The following SH2B1 variants were observed in gnomAD, a reference collection of about 807,000 sequenced individuals.
SH2B1 encodes SH2B adaptor protein 1.
In SH2B1, 15 loss-of-function variants were observed where a neutral mutation model predicts 62.6. The observed-to-expected ratio is 0.24, with a 90% CI of 0.16 to 0.37. The LOEUF (loss-of-function observed/expected upper bound fraction) is 0.37, where lower values mean the gene tolerates loss of function less well. Ranked by LOEUF, SH2B1 falls within the 10% of genes least tolerant of loss-of-function variation. SH2B1 has a pLI of 1.00. For synonymous variants in SH2B1, 443 were observed against 438.0 expected, an observed-to-expected ratio of 1.01 and a Z score of -0.14; for missense variants, 925 against 1,015.6, an observed-to-expected ratio of 0.91 and a Z score of 1.21.
At position 28,852,828 on chromosome 16, in the gene SH2B1, T is replaced by A. The variant is rs111218483; in HGVS notation, c.-301+6001T>A. Among the ~76,000 whole-genome samples, 26 of 58,630 alleles carry A rather than the reference T, an allele frequency of 4.4e-4. 2 individuals carry two copies. Among genetic ancestry groups the A allele is most frequent in the African/African-American group, 1.6e-3 (21 of 13,252 alleles). 38.5% of individuals were successfully genotyped at this position (58,630 alleles called of 152,430 possible). A position where few individuals can be genotyped will look rare whatever the true frequency, so the allele number is the denominator to read the frequency against. On this transcript the variant is annotated intron_variant, in intron 1 of 10. Transcript: ENST00000322610. Reference sequence around the variant, plus strand: ...TATTTACATATATTTACATATATATTTATATATATATACATATATATATTT... The same window carrying A: ...TATTTACATATATTTACATATATATATATATATATATACATATATATATTT...
chr16:28,854,878 T>C (rs1962284542), intron 1 of SH2B1, among the ~76,000 whole-genome samples: 1 of 152,190 alleles, frequency 6.6e-6, no homozygotes, highest in South Asian at 2.1e-4. Context: ...TAGCCCTTCA[T>C]TTTTGTTTTT....
In SH2B1 at chr16:28,866,580, C is replaced by G. The variant is rs1263402622; in HGVS notation, c.486C>G (p.Val162=). 3.1e-6 allele frequency: 5 copies of G among 1,613,976 alleles called. No homozygotes were observed. The highest frequency in any genetic ancestry group is 4.2e-6 in the Non-Finnish European group (5 of 1,180,030). ...RFSLRSVGRS[V]RGSVRGILQW... ...CCCTGCGTTCAGTGGGTCGCTCTGT[C>G]CGAGGCTCAGTCCGTGGCATCCTGC... is the stretch of plus-strand genomic sequence containing the variant. Residue 162 remains valine, a synonymous_variant, in exon 1 of 8, where the codon GTC becomes GTG. Coordinates refer to ENST00000684370, the MANE Select transcript of SH2B1 (RefSeq NM_001387430.1). The surrounding 1 kb of genome is among the most constrained non-coding windows in gnomAD (Gnocchi z 6.3).
intron 1 of SH2B1, among the ~76,000 whole-genome samples, chr16:28,848,779 C>G (rs1471152111): frequency 1.3e-5 from 2 of 148,766 alleles, no homozygotes; most frequent in Non-Finnish European, 3.0e-5. Flanking sequence ...TCAAGCGATT[C>G]TCCTGCCTCA....
In SH2B1 at chr16:28,873,988, C is replaced by T. The variant is rs1458374930; in HGVS notation, c.*168C>T. 1.4e-5 allele frequency: 8 copies of T among 573,610 alleles called. No individual in the cohort carries two copies. Among genetic ancestry groups the T allele is most frequent in the Non-Finnish European group, 7.9e-6 (3 of 378,730 alleles). The allele number at this position is 573,610 out of a possible 1,614,324, so 35.5% of individuals were successfully genotyped here. Reference sequence around the variant, plus strand: ...AGGCTCGGGAGAGGCTCCCGTCACACACTACAGGTCCCCTCCCCAGGGCAG... The same window carrying T: ...AGGCTCGGGAGAGGCTCCCGTCACATACTACAGGTCCCCTCCCCAGGGCAG... On this transcript the variant is annotated 3_prime_UTR_variant, in exon 8 of 8. Transcript: ENST00000684370. This position sits in a 1 kb window ranked among gnomAD's most constrained non-coding sequence, Gnocchi z 4.2.
rs1962535557 is a variant in SH2B1, at chr16:28,863,850, G to A, written c.-2245G>A. 1 of 1,528,082 alleles carries A rather than the reference G, an allele frequency of 6.5e-7. No individual in the cohort carries two copies. The highest frequency in any genetic ancestry group is 2.5e-5 in the East Asian group (1 of 40,680). The allele number at this position is 1,528,082 out of a possible 1,614,324, so 94.7% of individuals were successfully genotyped here. ...GGTCCTGACGCCTGCGCGGAACCGGGCTGGGCGCTCGTCGCGTAGTGGGTG... is the reference window on the plus strand; with the variant it reads ...GGTCCTGACGCCTGCGCGGAACCGGACTGGGCGCTCGTCGCGTAGTGGGTG... On this transcript the variant is annotated 5_prime_UTR_variant, in exon 1 of 8. Transcript: ENST00000684370.
Position 28,852,367 on chromosome 16 carries a change from T to C in SH2B1, c.-301+5540T>C, listed in dbSNP as rs183413238. Among the ~76,000 whole-genome samples the C allele has an allele frequency of 1.9e-3, 156 of 80,434 alleles. 17 individuals carry two copies. The highest frequency in any genetic ancestry group is 3.5e-3 in the East Asian group (9 of 2,578). The allele number at this position is 80,434 out of a possible 152,430, so 52.8% of individuals were successfully genotyped here. A position where few individuals can be genotyped will look rare whatever the true frequency, so the allele number is the denominator to read the frequency against. On this transcript the variant is annotated intron_variant, in intron 1 of 10. Coordinates refer to the SH2B1 transcript ENST00000322610. Reference sequence around the variant, plus strand: ...ACATATATATTTATATATATATTTATATATATTTACATATATTTATATATA... The same window carrying C: ...ACATATATATTTATATATATATTTACATATATTTACATATATTTATATATA...
upstream of SH2B1, among the ~76,000 whole-genome samples, chr16:28,859,674 C>T (rs957990444): frequency 1.3e-5 from 2 of 151,346 alleles, no homozygotes; most frequent in African/African-American, 4.9e-5. Context: ...TACCACTGCA[C>T]TCCAGCCCAG....
intron 1 of SH2B1, among the ~76,000 whole-genome samples, chr16:28,852,286 T>A (rs1441222618): frequency 1.1e-5 from 1 of 88,258 alleles, no homozygotes; most frequent in East Asian, 3.0e-4. Flanking sequence ...ATATATATAT[T>A]TACATATATA....
At position 28,873,103 on chromosome 16, in the gene SH2B1, C is replaced by G. The variant is rs1963134153; in HGVS notation, c.1898-344C>G. The G allele has an allele frequency of 9.7e-7, 1 of 1,025,890 alleles. No individual in the cohort carries two copies. Among genetic ancestry groups the G allele is most frequent in the Non-Finnish European group, 1.4e-6 (1 of 710,236 alleles). The allele number at this position is 1,025,890 out of a possible 1,614,324, so 63.5% of individuals were successfully genotyped here. A position where few individuals can be genotyped will look rare whatever the true frequency, so the allele number is the denominator to read the frequency against. ...CCCTCCTCCCTCAATGTCTCATGTC[C>G]CTGTCTGATCTCTCCCTTTCCCCTG... is the stretch of plus-strand genomic sequence containing the variant. On this transcript the variant is annotated intron_variant, in intron 7 of 7. Transcript: ENST00000684370. The surrounding 1 kb of genome is among the most constrained non-coding windows in gnomAD (Gnocchi z 4.2).
intron 1 of SH2B1, among the ~76,000 whole-genome samples, chr16:28,851,783 T>C (rs1006154519): frequency 1.3e-5 from 2 of 149,786 alleles, no homozygotes; most frequent in African/African-American, 4.9e-5. Context: ...AAAATACATA[T>C]ATTGGCCAGG....
chr16:28,868,966 C>T (rs1228702318), intron 2 of SH2B1, 40 bp from the exon 3 acceptor site: 2 of 1,485,450 alleles, frequency 1.3e-6, no homozygotes, highest in Non-Finnish European at 9.4e-7. Flanking sequence ...AGCCTCCTCC[C>T]TGCCCCTGCC....
At chr16:28,857,555 T>C (rs1962346795) in intron 1 of SH2B1, among the ~76,000 whole-genome samples, 1 of 152,076 alleles carries the variant, frequency 6.6e-6, no homozygotes, top group African/African-American at 2.4e-5. Flanking sequence ...AGCACTACAC[T>C]TGGGATTACA....
rs1247830089 is a variant in SH2B1 at position 28,873,737 on chromosome 16, C to T, written c.2188C>T (p.Gln730Ter). 1.3e-6 allele frequency: 2 copies of T among 1,486,400 alleles called. No homozygotes were observed. The highest frequency in any genetic ancestry group is 1.4e-5 in the African/African-American group (1 of 70,670). 92.1% of individuals were successfully genotyped at this position (1,486,400 alleles called of 1,614,324 possible). ...GGACGCGGGGGTGCCCCCAATGGTG[C>T]AGCTGCAGCAGTCACCACTAGGGGG... ...GGDAGVPPMV[Q>*]LQQSPLGGDG... Residue 730 changes from glutamine (Q) to a stop codon, truncating the protein, a stop_gained, in exon 8 of 8, where the codon CAG (glutamine) becomes TAG (stop). Coordinates refer to ENST00000684370, the MANE Select transcript of SH2B1 (RefSeq NM_001387430.1). LOFTEE classifies it high-confidence loss of function. The surrounding 1 kb of genome is among the most constrained non-coding windows in gnomAD (Gnocchi z 4.2).
chr16:28,867,066 C>A, intron 1 of SH2B1, 33 bp downstream of exon 1: 1 of 1,598,054 alleles, frequency 6.3e-7, no homozygotes, highest in Non-Finnish European at 8.5e-7. Context: ...TGACTGAGAG[C>A]AAGTGAGAGA....
chr16:28,872,644 G>T lies in SH2B1; in HGVS notation c.1836G>T (p.Glu612Asp), dbSNP rs1404969720. 3 of 1,614,098 alleles carry T rather than the reference G, an allele frequency of 1.9e-6. No individual in the cohort carries two copies. ...TCCGGGTGCACCCCATCCCTTTGGA[G>T]TCGGGAGGCTCCAGTGATGTTGTCC... ...EHFRVHPIPL[E>D]SGGSSDVVLV... The change falls in exon 7 of 8, where the codon GAG becomes GAT. Residue 612 changes from glutamate to aspartate, a missense_variant. Transcript: ENST00000684370. This position sits in a 1 kb window ranked among gnomAD's most constrained non-coding sequence, Gnocchi z 5.3.
Position 28,852,804 on chromosome 16 carries a change from A to T in SH2B1, c.-301+5977A>T, listed in dbSNP as rs1235053928. Among the ~76,000 whole-genome samples the T allele has an allele frequency of 4.9e-5, 3 of 60,892 alleles. 1 individual carries two copies. The highest frequency in any genetic ancestry group is 2.5e-4 in the African/African-American group (3 of 12,204). 39.9% of individuals were successfully genotyped at this position (60,892 alleles called of 152,430 possible). Reference sequence around the variant, plus strand: ...TATTTACATATATATTTACATATATATTTACATATATTTACATATATATTT... The same window carrying T: ...TATTTACATATATATTTACATATATTTTTACATATATTTACATATATATTT... On this transcript the variant is annotated intron_variant, in intron 1 of 10. Coordinates refer to the SH2B1 transcript ENST00000322610.
chr16:28,853,393 C>G (rs1297118542), intron 1 of SH2B1, among the ~76,000 whole-genome samples: 5 of 150,196 alleles, frequency 3.3e-5, no homozygotes, highest in Non-Finnish European at 7.4e-5. Flanking sequence ...TTAGTGGAGA[C>G]GAGGTTTCAC....
In SH2B1 at chr16:28,866,262, G is replaced by A. The variant is rs769613563; in HGVS notation, c.168G>A (p.Ala56=). 9 of 1,610,260 alleles carry A rather than the reference G, an allele frequency of 5.6e-6. No homozygotes were observed. The South Asian group carries it at 6.6e-5, about 12-fold the overall frequency. ...ACCTGGCCTCCCACCCCCAATATGC[G>A]GGGCCCGGGGCCGAGGCTGCCTTCT... The part of the protein sequence containing the change: ...RLYLASHPQY[A]GPGAEAAFSR... The change falls in exon 1 of 8, where the codon GCG becomes GCA. Residue 56 remains alanine (A), a synonymous_variant. Transcript: ENST00000684370. The surrounding 1 kb of genome is among the most constrained non-coding windows in gnomAD (Gnocchi z 6.3).
At chr16:28,857,674 C>T (rs1281898795) in intron 1 of SH2B1, among the ~76,000 whole-genome samples, 2 of 151,940 alleles carry the variant, frequency 1.3e-5, no homozygotes, top group African/African-American at 2.4e-5. Flanking sequence ...AAGCAGGGCA[C>T]GTCACCTCCC....
Sources: gnomAD v4.1 joint callset for allele counts (sites outside exome capture counted in the v4.1 genomes callset) on GRCh38, gnomAD v4.1.1 for gene constraint, Gnocchi (gnomAD v3.1) non-coding constraint, MANE v1.5 for transcripts, NCBI Gene and HGNC (gene_info 2026-07-23, HGNC 2026-07-21) for gene names.